Variants in KCNH3 observed in about 807,000 individuals in gnomAD.
The protein encoded by KCNH3 is voltage-gated inwardly rectifying potassium channel KCNH3.
Under a neutral mutation model 95.6 loss-of-function variants are expected in KCNH3, and 36 were observed. That is an observed-to-expected ratio of 0.38 (90% CI 0.29 to 0.50). KCNH3 has a LOEUF of 0.50. Ranked by LOEUF, KCNH3 falls within the 20% of genes least tolerant of loss-of-function variation. The pLI, the probability that KCNH3 is intolerant of heterozygous loss-of-function variation, is 0.95. For missense variants in KCNH3, 1,030 were observed against 1,484.1 expected, an observed-to-expected ratio of 0.69 and a Z score of 5.03; for synonymous variants, 620 against 646.3, an observed-to-expected ratio of 0.96 and a Z score of 0.62.
At chr12:49,550,958 GC>G (rs1938238245) in intron 10 of KCNH3, among the ~76,000 whole-genome samples, 1 of 152,238 alleles carries the variant, frequency 6.6e-6, no homozygotes, top group Non-Finnish European at 1.5e-5. Flanking sequence ...ATAACAGGGG[GC>G]TCACAGCGTG....
At chr12:49,554,673 C>A in intron 11 of KCNH3, 119 bp downstream of exon 11, 1 of 875,132 alleles carries the variant, frequency 1.1e-6, no homozygotes, top group Non-Finnish European at 1.8e-6. Context: ...TGAAAGCTCC[C>A]ACCTTGGGCA....
In KCNH3 at chr12:49,543,997, C is replaced by T. The variant is rs752429985; in HGVS notation, c.906C>T (p.Tyr302=). The part of the protein sequence containing the change: ...VFAPKSICLH[Y]VTTWFLLDVI... ...CCCCAAAGTCCATTTGCCTCCACTA[C>T]GTCACCACCTGGTTCCTGCTGGATG... The change falls in exon 6 of 15, where the codon TAC becomes TAT. Residue 302 remains tyrosine, a synonymous_variant. Transcript: ENST00000257981. 22 of 1,613,932 alleles carry T rather than the reference C, an allele frequency of 1.4e-5. No homozygotes were observed. Among genetic ancestry groups the T allele is most frequent in the Non-Finnish European group, 1.6e-5 (19 of 1,179,862 alleles).
chr12:49,543,708 C>G (rs1937953413), intron 5 of KCNH3, 190 bp downstream of exon 5: 1 of 1,034,176 alleles, frequency 9.7e-7, no homozygotes, highest in African/African-American at 1.6e-5. Context: ...TTGAGCTGGT[C>G]AAAGCCTCTC....
chr12:49,547,032 T>A (rs1174829425), intron 7 of KCNH3, among the ~76,000 whole-genome samples: 1 of 148,244 alleles, frequency 6.7e-6, no homozygotes, highest in East Asian at 1.9e-4. Flanking sequence ...GTAGCTGGGA[T>A]TACAGGCATG....
chr12:49,544,145 T>TCCCCACC, intron 6 of KCNH3, 30 bp from the exon 7 acceptor site: 1 of 818,378 alleles, frequency 1.2e-6, no homozygotes, highest in Non-Finnish European at 2.0e-6. Context: ...CTGACCTCCC[T>TCCCCACC]CCCTCCCTCC....
chr12:49,552,803 A>C lies in KCNH3; in HGVS notation c.1919-1534A>C, dbSNP rs115524607. On this transcript the variant is annotated intron_variant, in intron 10 of 14. Coordinates refer to ENST00000257981, the MANE Select transcript of KCNH3 (RefSeq NM_012284.3). ...GCACGTGCTTATTCTATTTCAGATG[A>C]CGCCAATGAAAAGAGAGCACATTCC... Among the ~76,000 whole-genome samples the C allele has an allele frequency of 6.0e-3, 920 of 152,330 alleles. 9 individuals are homozygous for C. The highest frequency in any genetic ancestry group is 0.021 in the African/African-American group (861 of 41,566).
intron 3 of KCNH3, 57 bp downstream of exon 3, chr12:49,541,821 C>A: frequency 3.1e-6 from 5 of 1,591,140 alleles, no homozygotes; most frequent in Non-Finnish European, 4.3e-6. Flanking sequence ...CCGGGCGGGG[C>A]CTTGGCACCC....
intron 3 of KCNH3, 69 bp downstream of exon 3, chr12:49,541,833 G>C: frequency 1.9e-6 from 3 of 1,566,696 alleles, no homozygotes; most frequent in Non-Finnish European, 8.7e-7. Context: ...TTGGCACCCA[G>C]TCTGAGTACG....
At chr12:49,552,610 G>A (rs377313679) in intron 10 of KCNH3, among the ~76,000 whole-genome samples, 196 of 152,320 alleles carry the variant, frequency 1.3e-3, no homozygotes, top group South Asian at 9.5e-3. Context: ...GGGTTCTGGC[G>A]CTTGCCTCTG....
chr12:49,550,043 T>TGGCCACCCCCCCCC, intron 9 of KCNH3, 37 bp from the exon 10 acceptor site: 1 of 1,299,542 alleles, frequency 7.7e-7, no homozygotes, highest in Non-Finnish European at 1.1e-6. Flanking sequence ...CTTCTGCCAC[T>TGGCCACCCCCCCCC]CCCAACCCCC....
Position 49,554,503 on chromosome 12 carries a change from C to A in KCNH3, c.2085C>A (p.Gly695=), listed in dbSNP as rs767933828. Residue 695 remains glycine, a synonymous_variant, in exon 11 of 15, where the codon GGC becomes GGA. Transcript: ENST00000257981. ...YPEFAPRFSR[G]LRGELSYNLG... The stretch of plus-strand genomic sequence containing the variant: ...AGTTTGCCCCGCGCTTCAGTCGTGG[C>A]CTCCGAGGGGAGCTCAGCTACAACC... 39 of 1,613,630 alleles carry A rather than the reference C, an allele frequency of 2.4e-5. No homozygotes were observed. The highest frequency in any genetic ancestry group is 1.6e-4 in the Middle Eastern group (1 of 6,082).
chr12:49,556,133 G>C (rs1938433513), intron 12 of KCNH3, 182 bp downstream of exon 12: 1 of 595,838 alleles, frequency 1.7e-6, no homozygotes, highest in Admixed American at 3.0e-5. Flanking sequence ...CCACTCCACT[G>C]TGTGGTGTGT....
chr12:49,550,221 A>G lies in KCNH3; in HGVS notation c.1810A>G (p.Thr604Ala). Residue 604 changes from threonine (T) to alanine (A), a missense_variant, in exon 10 of 15, where the codon ACG becomes GCG. Around this residue, in one of 9 missense-constraint regions of KCNH3, gnomAD observed 160 missense variants for 316.2 expected, o/e 0.51. Coordinates refer to ENST00000257981, the MANE Select transcript of KCNH3 (RefSeq NM_012284.3). ...LSLALRPAFC[T>A]PGEYLIHQGD... ...TCTGGCCCTGCGGCCCGCCTTCTGCACGCCGGGCGAGTACCTCATCCACCA... is the reference window on the plus strand; with the variant it reads ...TCTGGCCCTGCGGCCCGCCTTCTGCGCGCCGGGCGAGTACCTCATCCACCA... The G allele has an allele frequency of 6.2e-7, 1 of 1,609,462 alleles. No homozygotes were observed. Among genetic ancestry groups the G allele is most frequent in the Non-Finnish European group, 8.5e-7 (1 of 1,179,958 alleles).
At chr12:49,550,376 C>A (rs1329357147) in intron 10 of KCNH3, 47 bp downstream of exon 10, 2 of 1,559,310 alleles carry the variant, frequency 1.3e-6, no homozygotes, top group African/African-American at 1.3e-5. Flanking sequence ...GTGTGTGAGA[C>A]CATGGCCCTG....
chr12:49,545,014 AC>A (rs1475626210), intron 7 of KCNH3, among the ~76,000 whole-genome samples: 1 of 151,686 alleles, frequency 6.6e-6, no homozygotes, highest in Non-Finnish European at 1.5e-5. Context: ...CCAAAATGTC[AC>A]CTGGAAGGTC....
intron 7 of KCNH3, 47 bp from the exon 8 acceptor site, chr12:49,548,848 C>A: frequency 6.7e-7 from 1 of 1,497,474 alleles, no homozygotes; most frequent in Non-Finnish European, 8.9e-7. Flanking sequence ...CCGGCATCCT[C>A]GCCCACAGTC....
chr12:49,549,694 A>G lies in KCNH3; in HGVS notation c.1668+54A>G, dbSNP rs757519807. 3.6e-5 allele frequency: 54 copies of G among 1,504,482 alleles called. 1 individual carries two copies. The highest frequency in any genetic ancestry group is 2.1e-4 in the East Asian group (9 of 41,902). The allele number at this position is 1,504,482 out of a possible 1,614,324, so 93.2% of individuals were successfully genotyped here. On this transcript the variant is annotated intron_variant, in intron 9 of 14. Transcript: ENST00000257981. ...CCTTTGCTCCCTCAGGGGGTTTGCA[A>G]TAGCCTAGAATTATCAGGAGTGGGG...
At chr12:49,557,314 G>T in intron 14 of KCNH3, 40 bp from the exon 15 acceptor site, 1 of 1,613,496 alleles carries the variant, frequency 6.2e-7, no homozygotes. Context: ...GCACTCCATG[G>T]CTGACTCCAT....
intron 10 of KCNH3, among the ~76,000 whole-genome samples, 196 bp from the exon 11 acceptor site, chr12:49,554,141 T>C (rs1170522485): frequency 2.0e-5 from 3 of 152,212 alleles, no homozygotes; most frequent in African/African-American, 4.8e-5. Context: ...CCCAAGCCCA[T>C]GTGGGAGCCA....
Sources: allele counts gnomAD v4.1 joint callset (sites outside exome capture counted in the v4.1 genomes callset), GRCh38; gene constraint gnomAD v4.1.1; regional missense constraint gnomAD v4.1.1; transcripts MANE v1.5; gene names NCBI Gene and HGNC (gene_info 2026-07-23, HGNC 2026-07-21).